Variants in TM9SF2 observed in about 807,000 individuals in gnomAD.
TM9SF2 encodes the protein 76 kDa membrane protein.
TM9SF2 carries 13 observed loss-of-function variants against 84.9 expected under a neutral mutation model. The observed-to-expected ratio is 0.15, with a 90% CI of 0.10 to 0.24. The LOEUF (loss-of-function observed/expected upper bound fraction) is 0.24, where lower values mean the gene tolerates loss of function less well. Ranked by LOEUF, TM9SF2 falls within the 10% of genes least tolerant of loss-of-function variation. The pLI is 1.00. For synonymous variants in TM9SF2, 273 were observed against 285.8 expected, an observed-to-expected ratio of 0.96 and a Z score of 0.45; for missense variants, 562 against 818.5, an observed-to-expected ratio of 0.69 and a Z score of 3.82.
At chr13:99,548,024 C>G (rs2046290897) in intron 11 of TM9SF2, among the ~76,000 whole-genome samples, 1 of 152,114 alleles carries the variant, frequency 6.6e-6, no homozygotes, top group African/African-American at 2.4e-5. Flanking sequence ...TCTTTCTTCC[C>G]CTTTACTAAA....
chr13:99,512,801 G>A (rs1249823949), intron 1 of TM9SF2, among the ~76,000 whole-genome samples: 1 of 152,208 alleles, frequency 6.6e-6, no homozygotes, highest in Non-Finnish European at 1.5e-5. Flanking sequence ...TGGCTTAAGG[G>A]CTGAGTGAGG....
chr13:99,525,897 A>T (rs928612472), intron 3 of TM9SF2, among the ~76,000 whole-genome samples: 3 of 152,116 alleles, frequency 2.0e-5, no homozygotes, highest in African/African-American at 7.2e-5. Context: ...GTGTATGTGG[A>T]TGAGTGTGAT....
intron 16 of TM9SF2, among the ~76,000 whole-genome samples, chr13:99,562,261 T>C (rs2046347696): frequency 6.6e-6 from 1 of 152,274 alleles, no homozygotes; most frequent in South Asian, 2.1e-4. Flanking sequence ...CTTTGAAGAC[T>C]GATAACTTCC....
At position 99,540,725 on chromosome 13, in the gene TM9SF2, G is replaced by A. The variant is rs1391278590; in HGVS notation, c.840G>A (p.Lys280=). 3.7e-6 allele frequency: 6 copies of A among 1,613,632 alleles called. No homozygotes were observed. Among genetic ancestry groups the A allele is most frequent in the East Asian group, 4.5e-5 (2 of 44,860 alleles). ...TYSVSFEEDD[K]IRWASRWDYI... Reference sequence around the variant, plus strand: ...TTAATCTCCTCTAGGAAGATGATAAGATCAGATGGGCGTCTAGATGGGACT... The same window carrying A: ...TTAATCTCCTCTAGGAAGATGATAAAATCAGATGGGCGTCTAGATGGGACT... The change falls in exon 8 of 17, where the codon AAG becomes AAA. Residue 280 remains lysine (K), a synonymous_variant. Transcript: ENST00000376387.
At chr13:99,549,998 T>C (rs2046299071) in intron 12 of TM9SF2, among the ~76,000 whole-genome samples, 1 of 152,228 alleles carries the variant, frequency 6.6e-6, no homozygotes. Flanking sequence ...CAAATTTCTA[T>C]GCTTTTCTCA....
At chr13:99,501,870 G>C in intron 1 of TM9SF2, 93 bp downstream of exon 1, 9 of 1,511,370 alleles carry the variant, frequency 6.0e-6, no homozygotes, top group Middle Eastern at 3.5e-4. Flanking sequence ...AGCGAGGGAA[G>C]GGGGCGTAGC....
At chr13:99,541,432 T>C in intron 8 of TM9SF2, 127 bp from the exon 9 acceptor site, 1 of 620,290 alleles carries the variant, frequency 1.6e-6, no homozygotes, top group South Asian at 2.1e-5. Flanking sequence ...TTTGTTGGAT[T>C]TCAGATAGCT....
chr13:99,549,107 A>G, intron 11 of TM9SF2, 58 bp from the exon 12 acceptor site: 1 of 1,459,722 alleles, frequency 6.9e-7, no homozygotes, highest in African/African-American at 1.4e-5. Flanking sequence ...TGTAATATGG[A>G]TATTTGGTTT....
At chr13:99,511,372 T>G (rs182186943) in intron 1 of TM9SF2, among the ~76,000 whole-genome samples, 2 of 152,372 alleles carry the variant, frequency 1.3e-5, no homozygotes, top group African/African-American at 2.4e-5. Context: ...TTGAACTATA[T>G]AAACTCCCCG....
chr13:99,563,594 T>C lies in TM9SF2; in HGVS notation c.*836T>C, dbSNP rs533978780. 1 of 152,320 alleles carries C rather than the reference T, an allele frequency of 6.6e-6. No homozygotes were observed. The highest frequency in any genetic ancestry group is 1.9e-4 in the East Asian group (1 of 5,196). 9.4% of individuals were successfully genotyped at this position (152,320 alleles called of 1,614,324 possible). A position where few individuals can be genotyped will look rare whatever the true frequency, so the allele number is the denominator to read the frequency against. On this transcript the variant is annotated 3_prime_UTR_variant, in exon 17 of 17. Transcript: ENST00000376387. The stretch of plus-strand genomic sequence containing the variant: ...GTTCACTGTGAGGCAGTAGAGGAGG[T>C]TGAAGTCATGCATATCTAGACAGAT...
chr13:99,544,085 C>T, intron 10 of TM9SF2, 90 bp downstream of exon 10: 3 of 1,438,812 alleles, frequency 2.1e-6, no homozygotes, highest in Non-Finnish European at 2.9e-6. Context: ...GGCATGGTGG[C>T]TCATGCCTGT....
intron 3 of TM9SF2, among the ~76,000 whole-genome samples, chr13:99,526,300 T>C (rs1052090191): frequency 6.6e-6 from 1 of 152,254 alleles, no homozygotes; most frequent in African/African-American, 2.4e-5. Flanking sequence ...TATTTCCAGC[T>C]GTGCTGCTGA....
chr13:99,524,730 G>A (rs2046174690), intron 3 of TM9SF2, among the ~76,000 whole-genome samples: 1 of 151,658 alleles, frequency 6.6e-6, no homozygotes, highest in South Asian at 2.1e-4. Flanking sequence ...AGGGCTCCTG[G>A]TATTGTATTT....
intron 10 of TM9SF2, among the ~76,000 whole-genome samples, chr13:99,544,323 A>G (rs1476092551): frequency 6.6e-6 from 1 of 150,674 alleles, no homozygotes; most frequent in Non-Finnish European, 1.5e-5. Context: ...AGCCTGGGTG[A>G]CAGTGCAAGA....
intron 2 of TM9SF2, among the ~76,000 whole-genome samples, chr13:99,518,734 C>CT (rs2046145655): frequency 6.6e-6 from 1 of 150,484 alleles, no homozygotes; most frequent in Non-Finnish European, 1.5e-5. Flanking sequence ...ATAGCTGGGA[C>CT]TACAGGCGTG....
At chr13:99,529,291 A>G (rs765719408) in intron 3 of TM9SF2, among the ~76,000 whole-genome samples, 176 bp from the exon 4 acceptor site, 4 of 152,222 alleles carry the variant, frequency 2.6e-5, no homozygotes, top group Non-Finnish European at 5.9e-5. Context: ...AGAGAAACAC[A>G]GTAGGATTAA....
chr13:99,501,554 T>A lies in TM9SF2; in HGVS notation c.-53T>A. 9 of 1,507,626 alleles carry A rather than the reference T, an allele frequency of 6.0e-6. No homozygotes were observed. The highest frequency in any genetic ancestry group is 2.3e-5 in the South Asian group (2 of 87,534). The allele number at this position is 1,507,626 out of a possible 1,614,324, so 93.4% of individuals were successfully genotyped here. On this transcript the variant is annotated 5_prime_UTR_variant, in exon 1 of 17. Transcript: ENST00000376387. ...AGTCGTCTCCGAGACTCCCCACCCC[T>A]CCTTCCCTCTTGACCCCCTAGGTTT...
rs1210318410 is a variant in TM9SF2 at position 99,536,486 on chromosome 13, T to G, written c.462-122T>G. 6.7e-6 allele frequency: 8 copies of G among 1,195,024 alleles called. No homozygotes were observed. In the East Asian group the frequency reaches 1.5e-4, roughly 22 times the overall value. 74.0% of individuals were successfully genotyped at this position (1,195,024 alleles called of 1,614,324 possible). A position where few individuals can be genotyped will look rare whatever the true frequency, so the allele number is the denominator to read the frequency against. On this transcript the variant is annotated intron_variant, in intron 4 of 16. Coordinates refer to ENST00000376387, the MANE Select transcript of TM9SF2 (RefSeq NM_004800.3). ...ACATTTCATTAACATTCTTTGTGGTTTTTGTAATCTTAAGGCATTTACACA... is the reference window on the plus strand; with the variant it reads ...ACATTTCATTAACATTCTTTGTGGTGTTTGTAATCTTAAGGCATTTACACA...
At chr13:99,541,804 C>A in intron 9 of TM9SF2, 137 bp downstream of exon 9, 1 of 542,518 alleles carries the variant, frequency 1.8e-6, no homozygotes, top group Non-Finnish European at 3.1e-6. Context: ...AAAAATTCTT[C>A]TCAAAAGTTA....
Sources: gnomAD v4.1 joint callset for allele counts (sites outside exome capture counted in the v4.1 genomes callset) on GRCh38, gnomAD v4.1.1 for gene constraint, MANE v1.5 for transcripts, NCBI Gene and HGNC (gene_info 2026-07-23, HGNC 2026-07-21) for gene names.